Variants in ENTPD5 observed in about 807,000 individuals in gnomAD.
The protein encoded by ENTPD5 is nucleoside diphosphate phosphatase ENTPD5.
A neutral mutation model predicts 60.2 loss-of-function variants in ENTPD5; 49 were observed. The ratio of observed to expected loss-of-function variants is 0.81; its 90% CI spans 0.65 to 1.03. The LOEUF (loss-of-function observed/expected upper bound fraction) is 1.03, where lower values mean the gene tolerates loss of function less well. Among genes scored for constraint, ENTPD5 ranks in the 50% least tolerant of loss-of-function variants. The probability of loss-of-function intolerance (pLI) is 0.00; values close to 1 mark genes in which losing one functional copy is unlikely to be tolerated. For synonymous variants in ENTPD5, 187 were observed against 185.4 expected (o/e 1.01, Z -0.07); for missense variants, 480 against 507.6 (o/e 0.95, Z 0.52).
chr14:73,978,730 G>T (rs2057546962), intron 6 of ENTPD5, among the ~76,000 whole-genome samples: 1 of 151,836 alleles, frequency 6.6e-6, no homozygotes, highest in African/African-American at 2.4e-5. Flanking sequence ...GACCAACATG[G>T]TGAAAACCCA....
At chr14:73,977,242 G>C (rs1233982245) in intron 7 of ENTPD5, 57 bp downstream of exon 7, 12 of 1,426,736 alleles carry the variant, frequency 8.4e-6, no homozygotes, top group Non-Finnish European at 1.2e-5. Flanking sequence ...CCTTTAGTTA[G>C]ATCTTTCACT....
At chr14:74,005,265 CAAAAAA>C (rs71115941) in intron 3 of ENTPD5, among the ~76,000 whole-genome samples, 1 of 39,988 alleles carries the variant, frequency 2.5e-5, no homozygotes, top group African/African-American at 1.1e-4. Flanking sequence ...GACTCAGTCT[CAAAAAA>C]AAAAAAAAAA....
downstream of ENTPD5, chr14:73,958,007 GCATT>G: frequency 1.3e-6 from 1 of 763,678 alleles, no homozygotes. Flanking sequence ...TCAGACCACA[GCATT>G]AATTACTGAT....
downstream of ENTPD5, chr14:73,958,117 AT>A (rs376699893): frequency 7.5e-6 from 12 of 1,593,642 alleles, no homozygotes; most frequent in East Asian, 2.2e-5. Flanking sequence ...CACCTTTCTA[AT>A]TTTTTTTCCT....
chr14:73,972,214 TAAA>T, intron 13 of ENTPD5, among the ~76,000 whole-genome samples: 1 of 148,050 alleles, frequency 6.8e-6, no homozygotes, highest in Non-Finnish European at 1.5e-5. Context: ...TCGTCTCTAT[TAAA>T]AAAAAAATTA....
At chr14:74,016,353 T>A (rs1164321033) in intron 1 of ENTPD5, among the ~76,000 whole-genome samples, 4 of 152,074 alleles carry the variant, frequency 2.6e-5, no homozygotes, top group African/African-American at 9.7e-5. Context: ...TAAAATAAAC[T>A]AGGCCAAGTG....
At chr14:73,976,763 T>C (rs1256650630) in intron 8 of ENTPD5, among the ~76,000 whole-genome samples, 1 of 152,106 alleles carries the variant, frequency 6.6e-6, no homozygotes, top group Admixed American at 6.6e-5. Flanking sequence ...CACACCACCA[T>C]GCCCAGCTAT....
At chr14:73,987,837 G>A in intron 4 of ENTPD5, 49 bp downstream of exon 4, 1 of 1,555,282 alleles carries the variant, frequency 6.4e-7, no homozygotes, top group Non-Finnish European at 8.8e-7. Flanking sequence ...GGGAGGAGAT[G>A]CTAAAGTGTG....
intron 3 of ENTPD5, among the ~76,000 whole-genome samples, chr14:73,988,975 C>G (rs559613263): frequency 2.6e-4 from 40 of 152,240 alleles, no homozygotes; most frequent in Admixed American, 2.6e-4. Context: ...AGGGACCCAC[C>G]ACCATGCCCA....
At chr14:73,969,123 G>C (rs563402398) in intron 15 of ENTPD5, among the ~76,000 whole-genome samples, 2 of 152,286 alleles carry the variant, frequency 1.3e-5, no homozygotes, top group African/African-American at 4.8e-5. Flanking sequence ...AATGCAAATG[G>C]CCATGTGTGT....
intron 5 of ENTPD5, chr14:73,986,142 A>G (rs2057896362): frequency 6.6e-6 from 1 of 152,104 alleles, no homozygotes; most frequent in South Asian, 2.1e-4. Context: ...TCCAAACTCA[A>G]ATCATTTTTA....
At chr14:74,006,225 T>C (rs142037271) in intron 3 of ENTPD5, among the ~76,000 whole-genome samples, 4 of 151,550 alleles carry the variant, frequency 2.6e-5, no homozygotes, top group Non-Finnish European at 5.9e-5. Flanking sequence ...TCTCAGGTGA[T>C]CCACCTACCT....
At chr14:73,976,092 C>T (rs1195193521) in intron 9 of ENTPD5, 77 bp from the exon 10 acceptor site, 3 of 1,243,124 alleles carry the variant, frequency 2.4e-6, no homozygotes, top group Non-Finnish European at 1.2e-6. Context: ...ACCCGTCCCT[C>T]CCAGCAAAAA....
intron 3 of ENTPD5, among the ~76,000 whole-genome samples, chr14:74,004,776 C>T (rs569459514): frequency 2.2e-4 from 33 of 152,198 alleles, no homozygotes; most frequent in Admixed American, 7.2e-4. Flanking sequence ...GCAGTAATGT[C>T]TTTTATGACT....
rs563872090 is a variant in ENTPD5 at position 74,007,303 on chromosome 14, C to T, written c.-71+3788G>A. Among the ~76,000 whole-genome samples the T allele has an allele frequency of 9.9e-5, 15 of 152,234 alleles. No individual in the cohort carries two copies. The South Asian group carries it at 1.2e-3, about 13-fold the overall frequency. On this transcript the variant is annotated intron_variant, in intron 3 of 15. Coordinates refer to ENST00000334696, the MANE Select transcript of ENTPD5 (RefSeq NM_001249.5). ...TTGGGAGGTCAAGGAGGGCGGATCA[C>T]GAGGTCAGGAAATCAAGACCATCCT...
At position 73,982,899 on chromosome 14, in the gene ENTPD5, A is replaced by G. The variant is rs2140579207; in HGVS notation, c.441+119T>C. On this transcript the variant is annotated intron_variant, in intron 6 of 15. Coordinates refer to ENST00000334696, the MANE Select transcript of ENTPD5 (RefSeq NM_001249.5). ...ATAACAAGTGGTCAGAGTCATCACA[A>G]TGCTTTGGCAGTGGTGGAATACTGA... 5 of 1,001,818 alleles carry G rather than the reference A, an allele frequency of 5.0e-6. No individual in the cohort carries two copies. The East Asian group carries it at 1.2e-4, about 24-fold the overall frequency. The allele number at this position is 1,001,818 out of a possible 1,614,324, so 62.1% of individuals were successfully genotyped here.
rs2057919571 is a variant in ENTPD5 at position 73,986,809 on chromosome 14, C to T, written c.297+5G>A. On this transcript the variant is annotated splice_donor_5th_base_variant and intron_variant, in intron 5 of 15. Transcript: ENST00000334696. ...AATCTAAACATCAAATCATAAGAAA[C>T]TCACCTGCTTAGGTTGATCTACAAA... The T allele has an allele frequency of 6.2e-7, 1 of 1,610,124 alleles. No individual in the cohort carries two copies. The highest frequency in any genetic ancestry group is 1.1e-5 in the South Asian group (1 of 90,936).
chr14:73,991,943 G>A (rs1207402842), intron 3 of ENTPD5, among the ~76,000 whole-genome samples: 1 of 151,370 alleles, frequency 6.6e-6, no homozygotes, highest in Non-Finnish European at 1.5e-5. Flanking sequence ...AGGGTGCAGT[G>A]AGCTGAGATT....
At chr14:73,977,514 C>A in intron 6 of ENTPD5, 140 bp from the exon 7 acceptor site, 1 of 590,270 alleles carries the variant, frequency 1.7e-6, no homozygotes, top group Non-Finnish European at 2.9e-6. Flanking sequence ...ATTCCTTTGC[C>A]CTAAGAAACT....
Sources: allele counts gnomAD v4.1 joint callset (sites outside exome capture counted in the v4.1 genomes callset), GRCh38; gene constraint gnomAD v4.1.1; transcripts MANE v1.5; gene names NCBI Gene and HGNC (gene_info 2026-07-23, HGNC 2026-07-21).